Variants in SHROOM3 observed in about 807,000 individuals in gnomAD.
The protein encoded by SHROOM3 is protein Shroom3.
In SHROOM3, 47 loss-of-function variants were observed where a neutral mutation model predicts 138.6. The ratio of observed to expected loss-of-function variants is 0.34; its 90% confidence interval spans 0.27 to 0.43. The LOEUF (loss-of-function observed/expected upper bound fraction) is 0.43. SHROOM3 is among the 20% of genes least tolerant of loss of function. The pLI, the probability that SHROOM3 is intolerant of heterozygous loss-of-function variation, is 1.00. For synonymous variants in SHROOM3, 1,062 were observed against 1,063.3 expected, an observed-to-expected ratio of 1.00 and a Z score of 0.02; for missense variants, 2,491 against 2,596.5, an observed-to-expected ratio of 0.96 and a Z score of 0.88.
In SHROOM3 at chr4:76,740,606, C is replaced by A. The variant is rs766733462; in HGVS notation, c.2433C>A (p.Pro811=). 1.2e-6 allele frequency: 2 copies of A among 1,614,172 alleles called. No homozygotes were observed. The highest frequency in any genetic ancestry group is 4.5e-5 in the East Asian group (2 of 44,880). Residue 811 remains proline (P), a synonymous_variant, in exon 5 of 11, where the codon CCC becomes CCA. Transcript: ENST00000296043. This position sits in a 1 kb window ranked among gnomAD's most constrained non-coding sequence, Gnocchi z 4.0. Reference sequence around the variant, plus strand: ...CTGGTTTTGGCCATAACTATAGGCCCCACAGGACCGTCTCAACTTCCAGTA... The same window carrying A: ...CTGGTTTTGGCCATAACTATAGGCCACACAGGACCGTCTCAACTTCCAGTA... ...GGSGFGHNYR[P]HRTVSTSSTS... is the part of the protein sequence containing the mutation.
intron 1 of SHROOM3, among the ~76,000 whole-genome samples, chr4:76,455,070 A>G (rs141610953): frequency 1.3e-5 from 2 of 152,176 alleles, no homozygotes; most frequent in African/African-American, 2.4e-5. Flanking sequence ...AGGTTTCTAC[A>G]TATAAAATAA....
At chr4:76,761,675 C>A (rs1436910096) in intron 9 of SHROOM3, among the ~76,000 whole-genome samples, 2 of 152,158 alleles carry the variant, frequency 1.3e-5, no homozygotes, top group Non-Finnish European at 2.9e-5. Flanking sequence ...CTAACCAGAG[C>A]TAGAGTTTGA....
chr4:76,740,526 G>T lies in SHROOM3; in HGVS notation c.2353G>T (p.Val785Phe), dbSNP rs1721213461. The stretch of plus-strand genomic sequence containing the variant: ...GCCCCACTGCTCGGTGCTGGAGAAG[G>T]TCTCCAAATTCGAGCAGCGAGAGCA... ...GKPHCSVLEK[V>F]SKFEQREQGS... Residue 785 changes from valine to phenylalanine, a missense_variant, in exon 5 of 11, where the codon GTC becomes TTC. This residue lies in a region of SHROOM3 where 1,733 missense variants were observed against 1,661.6 expected (regional missense o/e 1.04). Transcript: ENST00000296043. This position sits in a 1 kb window ranked among gnomAD's most constrained non-coding sequence, Gnocchi z 4.0. 1 of 1,614,064 alleles carries T rather than the reference G, an allele frequency of 6.2e-7. No homozygotes were observed.
intron 2 of SHROOM3, among the ~76,000 whole-genome samples, chr4:76,649,662 T>C (rs972593439): frequency 6.6e-6 from 1 of 152,204 alleles, no homozygotes; most frequent in Non-Finnish European, 1.5e-5. Flanking sequence ...TAAGAGTGCT[T>C]TATAACTGAT....
Position 76,664,916 on chromosome 4 carries a change from C to T in SHROOM3, c.324-45240C>T, listed in dbSNP as rs530796147. On this transcript the variant is annotated intron_variant, in intron 2 of 10. Transcript: ENST00000296043. The surrounding 1 kb of genome is among the most constrained non-coding windows in gnomAD (Gnocchi z 4.2). ...CTGTAATCCTAGCACTTTGGTAGGC[C>T]GAGGTGGGCAGATCACTTGAGCCCA... Among the ~76,000 whole-genome samples, 1 of 151,926 alleles carries T rather than the reference C, an allele frequency of 6.6e-6. No individual in the cohort carries two copies. The highest frequency in any genetic ancestry group is 6.6e-5 in the Admixed American group (1 of 15,238).
chr4:76,622,552 G>C (rs1735030891), intron 2 of SHROOM3, among the ~76,000 whole-genome samples: 1 of 151,762 alleles, frequency 6.6e-6, no homozygotes, highest in Non-Finnish European at 1.5e-5. Context: ...CTCACAAGCA[G>C]ATAAAGGCTC....
chr4:76,579,277 G>A (rs1221294773), intron 2 of SHROOM3, among the ~76,000 whole-genome samples: 1 of 151,956 alleles, frequency 6.6e-6, no homozygotes, highest in East Asian at 1.9e-4. Context: ...GACCATCCTG[G>A]CTAACACGGT....
rs1455241712 is a variant in SHROOM3 at position 76,435,262 on chromosome 4, G to A, written c.-791G>A. ...TCTCAAGAGGAGGCAAGTGGCTGTGGCGGCCGCAGCAGTGGCTGATCATCA... is the reference window on the plus strand; with the variant it reads ...TCTCAAGAGGAGGCAAGTGGCTGTGACGGCCGCAGCAGTGGCTGATCATCA... On this transcript the variant is annotated 5_prime_UTR_variant, in exon 1 of 11. Coordinates refer to ENST00000296043, the MANE Select transcript of SHROOM3 (RefSeq NM_020859.4). The A allele has an allele frequency of 6.8e-6, 1 of 147,412 alleles. No homozygotes were observed. The highest frequency in any genetic ancestry group is 1.5e-5 in the Non-Finnish European group (1 of 65,652). 9.1% of individuals were successfully genotyped at this position (147,412 alleles called of 1,614,324 possible).
chr4:76,547,235 G>A (rs185385966), intron 1 of SHROOM3, among the ~76,000 whole-genome samples: 10 of 152,338 alleles, frequency 6.6e-5, no homozygotes, highest in African/African-American at 1.7e-4. Flanking sequence ...ATGTCTGGGC[G>A]ATTCTCAGGC....
intron 2 of SHROOM3, among the ~76,000 whole-genome samples, chr4:76,671,882 C>G (rs1718895267): frequency 6.6e-6 from 1 of 152,080 alleles, no homozygotes; most frequent in Non-Finnish European, 1.5e-5. Flanking sequence ...TATTTACCAG[C>G]TGAGCATCCC....
chr4:76,542,338 A>G (rs1475451953), intron 1 of SHROOM3, among the ~76,000 whole-genome samples: 1 of 152,236 alleles, frequency 6.6e-6, no homozygotes, highest in Non-Finnish European at 1.5e-5. Flanking sequence ...TGGTAGGTAG[A>G]ATAATCTCCA....
At chr4:76,510,908 C>T (rs1176938852) in intron 1 of SHROOM3, among the ~76,000 whole-genome samples, 8 of 152,080 alleles carry the variant, frequency 5.3e-5, no homozygotes, top group African/African-American at 1.9e-4. Context: ...TCACCAGGCA[C>T]GGTGGCTCAC....
At chr4:76,778,309 C>G (rs1368264278) in intron 10 of SHROOM3, among the ~76,000 whole-genome samples, 2 of 151,638 alleles carry the variant, frequency 1.3e-5, no homozygotes, top group African/African-American at 2.4e-5. Context: ...GCAACCTCTG[C>G]CTCCTGGGTT....
chr4:76,622,293 T>G (rs1735023661), intron 2 of SHROOM3, among the ~76,000 whole-genome samples: 1 of 152,052 alleles, frequency 6.6e-6, no homozygotes, highest in Non-Finnish European at 1.5e-5. Flanking sequence ...TCTGGTACAA[T>G]ACTAGTTTGT....
rs1437951139 is a variant in SHROOM3, at chr4:76,754,999, G to A, written c.4516G>A (p.Asp1506Asn). ...DSPPPHEDYE[D>N]EVFVRDPHPK... ...CCCGCCACCTCATGAGGATTATGAA[G>A]ACGAAGTGTTTGTGAGGGATCCGCA... The change falls in exon 7 of 11, where the codon GAC becomes AAC. Residue 1506 changes from aspartate to asparagine, a missense_variant. Around this residue, in one of 4 missense-constraint regions of SHROOM3, gnomAD observed 1,733 missense variants for 1,661.6 expected, o/e 1.04. Coordinates refer to ENST00000296043, the MANE Select transcript of SHROOM3 (RefSeq NM_020859.4). 1 of 1,612,568 alleles carries A rather than the reference G, an allele frequency of 6.2e-7. No homozygotes were observed. The highest frequency in any genetic ancestry group is 8.5e-7 in the Non-Finnish European group (1 of 1,178,780).
chr4:76,744,489 C>T (rs771149195), intron 5 of SHROOM3, among the ~76,000 whole-genome samples: 1 of 152,206 alleles, frequency 6.6e-6, no homozygotes, highest in Non-Finnish European at 1.5e-5. Flanking sequence ...GCGGTCTGCT[C>T]CTTGCATCCT....
chr4:76,578,402 G>A (rs1478491765), intron 2 of SHROOM3, among the ~76,000 whole-genome samples: 1 of 152,210 alleles, frequency 6.6e-6, no homozygotes, highest in Admixed American at 6.5e-5. Context: ...AACCGCACAG[G>A]AGATGGTAGT....
intron 2 of SHROOM3, among the ~76,000 whole-genome samples, chr4:76,579,284 C>T (rs1733998810): frequency 6.6e-6 from 1 of 151,908 alleles, no homozygotes; most frequent in Non-Finnish European, 1.5e-5. Flanking sequence ...CTGGCTAACA[C>T]GGTGAAACCC....
intron 1 of SHROOM3, among the ~76,000 whole-genome samples, chr4:76,514,393 A>G (rs1056016038): frequency 1.3e-4 from 20 of 152,306 alleles, no homozygotes; most frequent in African/African-American, 4.6e-4. Flanking sequence ...GCAGACACCA[A>G]AGGCCACATA....
Sources: gnomAD v4.1 joint callset for allele counts (sites outside exome capture counted in the v4.1 genomes callset) on GRCh38, gnomAD v4.1.1 for gene constraint, gnomAD v4.1.1 regional missense constraint, Gnocchi (gnomAD v3.1) non-coding constraint, MANE v1.5 for transcripts, NCBI Gene and HGNC (gene_info 2026-07-23, HGNC 2026-07-21) for gene names.